ATM: variants seen among roughly 807,000 people sequenced by gnomAD.
The protein encoded by ATM is ATM serine/threonine kinase, also known as serine-protein kinase ATM.
A neutral mutation model predicts 387.0 loss-of-function variants in ATM; 308 were observed. The ratio of observed to expected loss-of-function variants is 0.80; its 90% confidence interval spans 0.73 to 0.87. ATM has a LOEUF of 0.87. Among genes scored for constraint, ATM ranks in the 40% least tolerant of loss-of-function variants. ATM has a pLI of 0.00. For synonymous variants in ATM, 1,156 were observed against 1,187.3 expected (o/e 0.97, Z 0.54); for missense variants, 3,312 against 3,560.9 (o/e 0.93, Z 1.78).
chr11:108,287,745 C>T (rs769465402), intron 27 of ATM, 30 bp downstream of exon 27: 1 of 1,468,584 alleles, frequency 6.8e-7, no homozygotes, highest in South Asian at 1.1e-5. Flanking sequence ...AGAGAACTAG[C>T]TCTAACTTCA....
At chr11:108,236,102 G>A (rs1338319946) in intron 5 of ATM, 3 of 460,628 alleles carry the variant, frequency 6.5e-6, no homozygotes, top group African/African-American at 2.0e-5. Flanking sequence ...GGAGTTGACA[G>A]TGGCAGAAGA....
intron 5 of ATM, among the ~76,000 whole-genome samples, chr11:108,240,269 T>C (rs531301621): frequency 6.6e-6 from 1 of 152,226 alleles, no homozygotes; most frequent in Admixed American, 6.5e-5. Flanking sequence ...TACAGAATCA[T>C]ACAGAATACT....
intron 29 of ATM, among the ~76,000 whole-genome samples, chr11:108,291,720 C>CA (rs918345924): frequency 6.6e-6 from 1 of 152,118 alleles, no homozygotes; most frequent in African/African-American, 2.4e-5. Flanking sequence ...GATGAGGAAG[C>CA]ATGAGAGGAG....
intron 52 of ATM, 92 bp downstream of exon 52, chr11:108,332,129 C>T: frequency 6.6e-7 from 1 of 1,506,270 alleles, no homozygotes; most frequent in Non-Finnish European, 9.0e-7. Flanking sequence ...ATTAAGATGC[C>T]ATCTAAAATC....
Position 108,317,527 on chromosome 11 carries a change from A to C in ATM, c.6347+6A>C, listed in dbSNP as rs750501197. ...GACCATTGCACTTCCGTCAGGTAAG[A>C]AATTTGACTTGATTTTTTTTTTTTT... On this transcript the variant is annotated splice_donor_region_variant and intron_variant, in intron 43 of 62. Coordinates refer to ENST00000675843, the MANE Select transcript of ATM (RefSeq NM_000051.4). 17 of 1,599,686 alleles carry C rather than the reference A, an allele frequency of 1.1e-5. No individual in the cohort carries two copies. The highest frequency in any genetic ancestry group is 1.7e-5 in the Admixed American group (1 of 59,384).
chr11:108,284,877 C>T (rs546836811), intron 26 of ATM, among the ~76,000 whole-genome samples: 1 of 152,272 alleles, frequency 6.6e-6, no homozygotes, highest in African/African-American at 2.4e-5. Flanking sequence ...GTCCCTCATT[C>T]CTATAGTTCT....
Position 108,368,574 on chromosome 11 carries a change from C to G in ATM, c.*3066C>G, listed in dbSNP as rs1393930026. 4.6e-6 allele frequency: 1 copy of G among 217,986 alleles called. No homozygotes were observed. Among genetic ancestry groups the G allele is most frequent in the Non-Finnish European group, 9.2e-6 (1 of 108,612 alleles). 13.5% of individuals were successfully genotyped at this position (217,986 alleles called of 1,614,324 possible). A position where few individuals can be genotyped will look rare whatever the true frequency, so the allele number is the denominator to read the frequency against. On this transcript the variant is annotated 3_prime_UTR_variant, in exon 63 of 63. Coordinates refer to ENST00000675843, the MANE Select transcript of ATM (RefSeq NM_000051.4). ...ATTATAAGTACAAGTGTAATATGGA[C>G]AGTATCTAACTTGAAAAGATTTCAG...
rs377570109 is a variant in ATM, at chr11:108,256,360, T to C, written c.2250+20T>C. On this transcript the variant is annotated intron_variant, in intron 14 of 62. Transcript: ENST00000675843. ...GCCAAGGTAGGAGAATTTATACTAA[T>C]AAAGTTTCGGATAAATTTGAATGAA... 1.1e-5 allele frequency: 17 copies of C among 1,601,038 alleles called. No homozygotes were observed. Among genetic ancestry groups the C allele is most frequent in the African/African-American group, 4.0e-5 (3 of 74,686 alleles).
At chr11:108,332,072 G>A in intron 52 of ATM, 35 bp downstream of exon 52, 1 of 1,607,510 alleles carries the variant, frequency 6.2e-7, no homozygotes, top group Non-Finnish European at 8.5e-7. Context: ...TTTTAGAAGT[G>A]TGATATTCAG....
intron 27 of ATM, 61 bp downstream of exon 27, chr11:108,287,776 TTGG>T: frequency 8.4e-7 from 1 of 1,192,138 alleles, no homozygotes; most frequent in Non-Finnish European, 1.2e-6. Flanking sequence ...AAGAAGTTTA[TTGG>T]TTGACACCTT....
In ATM at chr11:108,251,061, C is replaced by T. The variant is rs564050785; in HGVS notation, c.1596C>T (p.Cys532=). The change falls in exon 10 of 63, where the codon TGC becomes TGT. Residue 532 remains cysteine (C), a synonymous_variant. Coordinates refer to ENST00000675843, the MANE Select transcript of ATM (RefSeq NM_000051.4). ...GGAAGTTATTTACTGGGTCAGCCTG[C>T]AGACCTTCATGGTAAGTTCAGCATG... is the stretch of plus-strand genomic sequence containing the variant. ...EFWKLFTGSA[C]RPSCPAVCCL... is the part of the protein sequence containing the mutation. The T allele has an allele frequency of 1.9e-6, 3 of 1,614,048 alleles. No individual in the cohort carries two copies. The Admixed American group carries it at 5.0e-5, about 27-fold the overall frequency.
intron 40 of ATM, among the ~76,000 whole-genome samples, chr11:108,314,750 A>C (rs137904706): frequency 6.6e-6 from 1 of 152,210 alleles, no homozygotes; most frequent in Non-Finnish European, 1.5e-5. Context: ...TATAAACAAC[A>C]CAATTTTGTA....
rs1385625521 is a variant in ATM, at chr11:108,325,434, A to C, written c.6697A>C (p.Ile2233Leu). ...IMALRTVILE[I>L]LMEKEMDNSQ... Reference sequence around the variant, plus strand: ...GGCTCTACGCACAGTCATTTTGGAGATCCTGATGGAAAAGGAAATGGACAA... The same window carrying C: ...GGCTCTACGCACAGTCATTTTGGAGCTCCTGATGGAAAAGGAAATGGACAA... Residue 2233 changes from isoleucine to leucine, a missense_variant, in exon 46 of 63, where the codon ATC becomes CTC. Ile to Leu is a conservative substitution (Grantham distance 5). Coordinates refer to ENST00000675843, the MANE Select transcript of ATM (RefSeq NM_000051.4). 1 of 1,613,686 alleles carries C rather than the reference A, an allele frequency of 6.2e-7. No homozygotes were observed. The highest frequency in any genetic ancestry group is 1.1e-5 in the South Asian group (1 of 91,068).
At chr11:108,283,841 G>C (rs1284019660) in intron 25 of ATM, among the ~76,000 whole-genome samples, 3 of 152,118 alleles carry the variant, frequency 2.0e-5, no homozygotes, top group African/African-American at 7.2e-5. Context: ...AAATATGCAA[G>C]TATAAGTTCA....
At chr11:108,347,087 A>G (rs2088512525) in intron 58 of ATM, among the ~76,000 whole-genome samples, 192 bp from the exon 59 acceptor site, 1 of 152,204 alleles carries the variant, frequency 6.6e-6, no homozygotes, top group South Asian at 2.1e-4. Context: ...GTAAAATGCA[A>G]TATGCATTAA....
intron 56 of ATM, chr11:108,336,239 A>T: frequency 2.7e-6 from 1 of 365,514 alleles, no homozygotes; most frequent in Non-Finnish European, 5.1e-6. Flanking sequence ...CAGGAGTTTG[A>T]GGCTGCAGTG....
chr11:108,287,307 A>G (rs2082541602), intron 26 of ATM: 1 of 206,430 alleles, frequency 4.8e-6, no homozygotes, highest in Admixed American at 5.5e-5. Flanking sequence ...AGGTCATACA[A>G]CTTAATGATA....
Position 108,320,073 on chromosome 11 carries a change from C to A in ATM, c.6452+15C>A. 6.5e-7 allele frequency: 1 copy of A among 1,531,016 alleles called. No homozygotes were observed. The highest frequency in any genetic ancestry group is 9.1e-7 in the Non-Finnish European group (1 of 1,104,894). 94.8% of individuals were successfully genotyped at this position (1,531,016 alleles called of 1,614,324 possible). ...AAATATGCCAGGTATTATGAAAAGA[C>A]AAAGTTACTGTATTTTAACATTTAA... On this transcript the variant is annotated intron_variant, in intron 44 of 62. Transcript: ENST00000675843.
chr11:108,357,062 C>G (rs536881404), intron 61 of ATM, among the ~76,000 whole-genome samples: 1 of 152,362 alleles, frequency 6.6e-6, no homozygotes, highest in Admixed American at 6.5e-5. Context: ...GAGCGCCAGA[C>G]AGTGGGCGCA....
Sources: allele counts gnomAD v4.1 joint callset (sites outside exome capture counted in the v4.1 genomes callset), GRCh38; gene constraint gnomAD v4.1.1; transcripts MANE v1.5; gene names NCBI Gene and HGNC (gene_info 2026-07-23, HGNC 2026-07-21).